COL25A1: variants seen among roughly 807,000 people sequenced by gnomAD.
COL25A1 encodes the protein collagen type XXV alpha 1 chain, also known as collagen alpha-1(XXV) chain.
A neutral mutation model predicts 128.4 loss-of-function variants in COL25A1; 103 were observed. That is an observed-to-expected ratio of 0.80 (90% CI 0.68 to 0.94). The LOEUF is 0.94. Among genes scored for constraint, COL25A1 ranks in the 40% least tolerant of loss-of-function variants. The pLI, the probability that COL25A1 is intolerant of heterozygous loss-of-function variation, is 0.00. For missense variants in COL25A1, 745 were observed against 840.0 expected (o/e 0.89, Z 1.40); for synonymous variants, 279 against 277.2 (o/e 1.01, Z -0.06).
rs149383629 is a variant in COL25A1, at chr4:108,831,526, C to T, written c.1710+854G>A. ...CACAAACTTGCACAGTGAATCATTCCGACATTTTGAAGACTTCACTATTAA... is the reference window on the plus strand; with the variant it reads ...CACAAACTTGCACAGTGAATCATTCTGACATTTTGAAGACTTCACTATTAA... On this transcript the variant is annotated intron_variant, in intron 32 of 37. Transcript: ENST00000399132. 6.6e-5 allele frequency among the ~76,000 whole-genome samples: 10 copies of T among 152,116 alleles called. No individual in the cohort carries two copies. In the East Asian group the frequency reaches 9.7e-4, roughly 15 times the overall value.
intron 3 of COL25A1, among the ~76,000 whole-genome samples, chr4:109,300,281 T>G (rs935635745): frequency 1.3e-5 from 2 of 152,100 alleles, no homozygotes; most frequent in African/African-American, 4.8e-5. Flanking sequence ...TTAAGACAAT[T>G]TAATTGAAGA....
At chr4:109,146,117 T>A (rs1435612466) in intron 3 of COL25A1, among the ~76,000 whole-genome samples, 1 of 152,198 alleles carries the variant, frequency 6.6e-6, no homozygotes, top group African/African-American at 2.4e-5. Context: ...GAAATATTCA[T>A]CTTGCTGTAA....
rs76068183 is a variant in COL25A1, at chr4:109,122,726, G to C, written c.368-72547C>G. ...ATTTGGAGCTGTGAATGTTATCAAG[G>C]ACAGAAAGACACATGTAAGCATGGT... On this transcript the variant is annotated intron_variant, in intron 3 of 37. Transcript: ENST00000399132. 6.6e-5 allele frequency among the ~76,000 whole-genome samples: 10 copies of C among 152,128 alleles called. No homozygotes were observed. In the East Asian group the frequency reaches 1.9e-3, roughly 29 times the overall value.
chr4:108,990,458 CATAA>C (rs1465322425), intron 6 of COL25A1, among the ~76,000 whole-genome samples: 1 of 151,552 alleles, frequency 6.6e-6, no homozygotes, highest in East Asian at 1.9e-4. Context: ...ACCGTGTGCA[CATAA>C]ATGTTTATTT....
rs1441160392 is a variant in COL25A1, at chr4:109,120,540, G to A, written c.368-70361C>T. ...AACACATTACCAAGCCAGGTGTGGT[G>A]GCTCATACCTGTAATCCCAGCATTT... On this transcript the variant is annotated intron_variant, in intron 3 of 37. Transcript: ENST00000399132. Among the ~76,000 whole-genome samples, 6 of 152,070 alleles carry A rather than the reference G, an allele frequency of 3.9e-5. 1 individual carries two copies. Among genetic ancestry groups the A allele is most frequent in the Admixed American group, 2.0e-4 (3 of 15,246 alleles).
At chr4:108,923,270 G>A (rs751885390) in intron 11 of COL25A1, among the ~76,000 whole-genome samples, 13 of 152,082 alleles carry the variant, frequency 8.5e-5, no homozygotes, top group African/African-American at 2.7e-4. Flanking sequence ...TTAGTCTTGC[G>A]GTTTCTGGTA....
chr4:108,882,342 CAGG>C (rs1740234391), intron 19 of COL25A1, among the ~76,000 whole-genome samples: 2 of 149,294 alleles, frequency 1.3e-5, no homozygotes, highest in Non-Finnish European at 3.0e-5. Context: ...GCTTCAAGTT[CAGG>C]AGAAGGGACA....
chr4:109,053,119 A>G (rs927272720), intron 3 of COL25A1, among the ~76,000 whole-genome samples: 1 of 152,172 alleles, frequency 6.6e-6, no homozygotes, highest in Non-Finnish European at 1.5e-5. Flanking sequence ...AATTCATTCA[A>G]TGAAGAATGA....
At chr4:109,211,399 C>T (rs1777550005) in intron 3 of COL25A1, among the ~76,000 whole-genome samples, 1 of 146,678 alleles carries the variant, frequency 6.8e-6, no homozygotes, top group Non-Finnish European at 1.5e-5. Context: ...AGACACTTTT[C>T]CTTTCTGATC....
chr4:108,970,546 C>A (rs1420319128), intron 8 of COL25A1, among the ~76,000 whole-genome samples: 2 of 152,186 alleles, frequency 1.3e-5, no homozygotes, highest in Non-Finnish European at 2.9e-5. Context: ...TATTACCTCA[C>A]ATCCTTATCT....
At chr4:109,175,891 T>C (rs1265724418) in intron 3 of COL25A1, among the ~76,000 whole-genome samples, 2 of 152,250 alleles carry the variant, frequency 1.3e-5, no homozygotes, top group South Asian at 2.1e-4. Context: ...TTTTAGCTTA[T>C]ACTTTATGAC....
intron 35 of COL25A1, 197 bp downstream of exon 35, chr4:108,823,977 G>C: frequency 6.6e-7 from 1 of 1,515,606 alleles, no homozygotes; most frequent in Non-Finnish European, 8.8e-7. Flanking sequence ...TTCTATGCCA[G>C]GCAGTGCCCT....
intron 5 of COL25A1, among the ~76,000 whole-genome samples, chr4:109,014,769 C>CT (rs1693810583): frequency 6.6e-6 from 1 of 152,040 alleles, no homozygotes; most frequent in Non-Finnish European, 1.5e-5. Context: ...GGGGAGGGAA[C>CT]ATGAAAAGGA....
intron 3 of COL25A1, among the ~76,000 whole-genome samples, chr4:109,209,685 A>G (rs1023059950): frequency 1.3e-5 from 2 of 152,182 alleles, no homozygotes; most frequent in Non-Finnish European, 2.9e-5. Flanking sequence ...TATATAACTC[A>G]CAGAAAGGAG....
chr4:109,002,765 AT>A (rs71594156), intron 6 of COL25A1, among the ~76,000 whole-genome samples: 19,231 of 150,054 alleles, frequency 0.13, 1,563 homozygotes, highest in African/African-American at 0.24. Flanking sequence ...ATATAGATAC[AT>A]TTTTTTTTTG....
At chr4:109,223,804 G>A (rs747971805) in intron 3 of COL25A1, among the ~76,000 whole-genome samples, 1 of 152,124 alleles carries the variant, frequency 6.6e-6, no homozygotes, top group Non-Finnish European at 1.5e-5. Flanking sequence ...AATGAAGAGA[G>A]CCTTTATTTC....
chr4:109,150,665 CTT>C (rs576178299), intron 3 of COL25A1, among the ~76,000 whole-genome samples: 233 of 152,218 alleles, frequency 1.5e-3, no homozygotes, highest in African/African-American at 5.2e-3. Context: ...GAGAATTAAA[CTT>C]GACACTGGGA....
chr4:109,017,296 C>T (rs1757315046), intron 5 of COL25A1, among the ~76,000 whole-genome samples: 1 of 152,228 alleles, frequency 6.6e-6, no homozygotes, highest in South Asian at 2.1e-4. Flanking sequence ...CATCATTTGG[C>T]GTCTGGCTCA....
At position 109,211,296 on chromosome 4, in the gene COL25A1, A is replaced by ATGAAAC. The variant is rs1280270679; in HGVS notation, c.367+89286_367+89287insGTTTCA. On this transcript the variant is annotated intron_variant, in intron 3 of 37. Coordinates refer to ENST00000399132, the MANE Select transcript of COL25A1 (RefSeq NM_198721.4). ...AAACTATATATATATGAAACTATAT[A>ATGAAAC]TATATATATATATATATATATATAT... is the stretch of plus-strand genomic sequence containing the variant. Among the ~76,000 whole-genome samples the ATGAAAC allele has an allele frequency of 8.5e-4, 38 of 44,670 alleles. No homozygotes were observed. The South Asian group carries it at 9.2e-3, about 11-fold the overall frequency. 29.3% of individuals were successfully genotyped at this position (44,670 alleles called of 152,430 possible).
Sources: gnomAD v4.1 joint callset for allele counts (sites outside exome capture counted in the v4.1 genomes callset) on GRCh38, gnomAD v4.1.1 for gene constraint, MANE v1.5 for transcripts, NCBI Gene and HGNC (gene_info 2026-07-23, HGNC 2026-07-21) for gene names.